The following ZDHHC21 variants were observed in gnomAD, a reference collection of about 807,000 sequenced individuals.
ZDHHC21 encodes the protein zDHHC palmitoyltransferase 21.
ZDHHC21 carries 15 observed loss-of-function variants against 34.6 expected under a neutral mutation model. The ratio of observed to expected loss-of-function variants is 0.43; its 90% CI spans 0.29 to 0.67. The LOEUF is 0.67. Among genes scored for constraint, ZDHHC21 ranks in the 30% least tolerant of loss-of-function variants. The probability of loss-of-function intolerance (pLI) is 0.14; values close to 1 mark genes in which losing one functional copy is unlikely to be tolerated. For missense variants in ZDHHC21, 344 were observed against 327.7 expected (o/e 1.05, Z -0.38); for synonymous variants, 142 against 101.8 (o/e 1.40, Z -2.38).
chr9:14,687,408 T>C (rs997731084), intron 2 of ZDHHC21, among the ~76,000 whole-genome samples: 4 of 150,932 alleles, frequency 2.7e-5, no homozygotes, highest in African/African-American at 9.9e-5. Flanking sequence ...TGGTGGCTCA[T>C]GCCTGTAATC....
chr9:14,626,594 T>C (rs374603889), intron 8 of ZDHHC21, among the ~76,000 whole-genome samples: 1 of 151,970 alleles, frequency 6.6e-6, no homozygotes. Flanking sequence ...AACATGCATA[T>C]GCTAAAGAGT....
At chr9:14,675,731 T>C (rs936328800) in intron 3 of ZDHHC21, among the ~76,000 whole-genome samples, 4 of 151,950 alleles carry the variant, frequency 2.6e-5, no homozygotes, top group African/African-American at 9.7e-5. Context: ...TAATATAATA[T>C]GGTAAGTTCC....
chr9:14,639,308 C>A (rs1408784284), intron 8 of ZDHHC21, among the ~76,000 whole-genome samples: 2 of 151,922 alleles, frequency 1.3e-5, no homozygotes, highest in Non-Finnish European at 2.9e-5. Flanking sequence ...GCCAAAAAAG[C>A]TGATCTCATG....
intron 7 of ZDHHC21, among the ~76,000 whole-genome samples, chr9:14,649,650 C>G (rs974851562): frequency 6.6e-6 from 1 of 151,942 alleles, no homozygotes; most frequent in Admixed American, 6.6e-5. Context: ...TTATTTATAC[C>G]TCCCTAATGG....
At chr9:14,633,576 A>G (rs1827751934) in intron 8 of ZDHHC21, among the ~76,000 whole-genome samples, 1 of 152,152 alleles carries the variant, frequency 6.6e-6, no homozygotes, top group African/African-American at 2.4e-5. Flanking sequence ...GTATCCTGCC[A>G]GTGAGCCCAA....
the ZDHHC21 span, among the ~76,000 whole-genome samples, chr9:14,604,017 T>C: frequency 6.6e-6 from 1 of 152,180 alleles, no homozygotes; most frequent in Non-Finnish European, 1.5e-5. Context: ...TCCAGAAAAT[T>C]ACATTAGATT....
At chr9:14,641,916 C>G (rs1308273322) in intron 7 of ZDHHC21, among the ~76,000 whole-genome samples, 1 of 152,108 alleles carries the variant, frequency 6.6e-6, no homozygotes, top group African/African-American at 2.4e-5. Context: ...GGTTTTAATG[C>G]ACGGTTTTAC....
At chr9:14,606,042 G>C in the ZDHHC21 span, among the ~76,000 whole-genome samples, 1 of 152,104 alleles carries the variant, frequency 6.6e-6, no homozygotes, top group Non-Finnish European at 1.5e-5. Context: ...CTTGATTTAG[G>C]AAAGACCTTT....
the ZDHHC21 span, among the ~76,000 whole-genome samples, chr9:14,592,972 G>T: frequency 6.6e-6 from 1 of 151,994 alleles, no homozygotes; most frequent in Non-Finnish European, 1.5e-5. Context: ...GAATAAAAAA[G>T]AACACAGCAT....
At chr9:14,591,294 T>C in the ZDHHC21 span, among the ~76,000 whole-genome samples, 15 of 152,210 alleles carry the variant, frequency 9.9e-5, no homozygotes, top group African/African-American at 3.6e-4. Context: ...TAGGAGATTA[T>C]TAGGTCATGA....
At chr9:14,642,135 T>C (rs562797820) in intron 7 of ZDHHC21, among the ~76,000 whole-genome samples, 19 of 152,228 alleles carry the variant, frequency 1.2e-4, no homozygotes, top group Non-Finnish European at 2.8e-4. Flanking sequence ...TTCATTTGGT[T>C]ATACATTTAT....
intron 5 of ZDHHC21, among the ~76,000 whole-genome samples, chr9:14,671,638 CTA>C (rs1240069656): frequency 1.3e-5 from 2 of 152,038 alleles, no homozygotes; most frequent in African/African-American, 4.8e-5. Context: ...CACTGTAATG[CTA>C]TGTCAAAAAA....
At chr9:14,606,877 C>G (rs1384814486), downstream of ZDHHC21, among the ~76,000 whole-genome samples, 1 of 151,950 alleles carries the variant, frequency 6.6e-6, no homozygotes, top group Non-Finnish European at 1.5e-5. Context: ...TATTACTTTG[C>G]TACAAATTTT....
chr9:14,658,260 A>G lies in ZDHHC21; in HGVS notation c.504+489T>C, dbSNP rs557200563. Among the ~76,000 whole-genome samples, 4 of 152,210 alleles carry G rather than the reference A, an allele frequency of 2.6e-5. No individual in the cohort carries two copies. In the East Asian group the frequency reaches 5.8e-4, roughly 22 times the overall value. Reference sequence around the variant, plus strand: ...GCTCAACACTAATAAATAACCATAAATGAATTTCATTAAAAGGAAATGTCA... The same window carrying G: ...GCTCAACACTAATAAATAACCATAAGTGAATTTCATTAAAAGGAAATGTCA... On this transcript the variant is annotated intron_variant, in intron 7 of 9. Transcript: ENST00000380916.
Position 14,658,998 on chromosome 9 carries a change from G to A in ZDHHC21, c.366-111C>T, listed in dbSNP as rs184144933. ...AATATCACATATGCTTAACTTCATG[G>A]AGATATGCTATGGCCACTTGAAGGT... On this transcript the variant is annotated intron_variant, in intron 6 of 9. Coordinates refer to ENST00000380916, the MANE Select transcript of ZDHHC21 (RefSeq NM_178566.6). 7.3e-5 allele frequency: 80 copies of A among 1,092,262 alleles called. No individual in the cohort carries two copies. In the East Asian group the frequency reaches 1.2e-3, roughly 17 times the overall value. 67.7% of individuals were successfully genotyped at this position (1,092,262 alleles called of 1,614,324 possible). A position where few individuals can be genotyped will look rare whatever the true frequency, so the allele number is the denominator to read the frequency against.
chr9:14,691,486 G>A (rs950648808), intron 1 of ZDHHC21, among the ~76,000 whole-genome samples: 3 of 152,220 alleles, frequency 2.0e-5, no homozygotes, highest in Non-Finnish European at 4.4e-5. Context: ...TTAAAGAAAT[G>A]AGGCAGTAGG....
At chr9:14,684,883 C>T (rs1288714111) in intron 2 of ZDHHC21, among the ~76,000 whole-genome samples, 1 of 152,114 alleles carries the variant, frequency 6.6e-6, no homozygotes, top group East Asian at 1.9e-4. Context: ...GAACAGAGCC[C>T]CCAGAAATAA....
chr9:14,663,053 C>T lies in ZDHHC21; in HGVS notation c.254-727G>A, dbSNP rs541510765. ...CTCTAATCTGGAGTGAAACAGCACA[C>T]GATTAAGCTCTGTGCCAAAAACACA... On this transcript the variant is annotated intron_variant, in intron 5 of 9. Transcript: ENST00000380916. Among the ~76,000 whole-genome samples, 33 of 152,242 alleles carry T rather than the reference C, an allele frequency of 2.2e-4. 1 individual carries two copies. The South Asian group carries it at 6.4e-3, about 30-fold the overall frequency.
intron 8 of ZDHHC21, among the ~76,000 whole-genome samples, chr9:14,625,985 G>C (rs1205411199): frequency 2.0e-5 from 3 of 151,918 alleles, no homozygotes; most frequent in African/African-American, 2.4e-5. Flanking sequence ...GTAACATAGA[G>C]AGGAAGCCAG....
Sources: allele counts gnomAD v4.1 joint callset (sites outside exome capture counted in the v4.1 genomes callset), GRCh38; gene constraint gnomAD v4.1.1; transcripts MANE v1.5; gene names NCBI Gene and HGNC (gene_info 2026-07-23, HGNC 2026-07-21).